DAP: variants seen among roughly 807,000 people sequenced by gnomAD.
DAP encodes the protein death associated protein.
A neutral mutation model predicts 13.8 loss-of-function variants in DAP; 8 were observed. The observed-to-expected ratio is 0.58, with a 90% CI of 0.34 to 1.05. The LOEUF (loss-of-function observed/expected upper bound fraction) is 1.05. Ranked by LOEUF, DAP falls within the 50% of genes least tolerant of loss-of-function variation. DAP has a pLI of 0.03. For missense variants in DAP, 106 were observed against 133.2 expected, an observed-to-expected ratio of 0.80 and a Z score of 1.01; for synonymous variants, 47 against 47.5, an observed-to-expected ratio of 0.99 and a Z score of 0.04.
intron 2 of DAP, among the ~76,000 whole-genome samples, chr5:10,710,350 C>G (rs1290651794): frequency 1.3e-5 from 2 of 152,222 alleles, no homozygotes. Flanking sequence ...AGTTATCTGA[C>G]CCAAGCCACA....
chr5:10,730,935 A>G (rs1350316133), intron 2 of DAP, among the ~76,000 whole-genome samples: 10 of 34,562 alleles, frequency 2.9e-4, no homozygotes, highest in African/African-American at 5.4e-4. Context: ...TGAGAGCCCT[A>G]GTGAGGGGGA....
intron 2 of DAP, among the ~76,000 whole-genome samples, chr5:10,690,507 C>T (rs1410640972): frequency 2.6e-5 from 4 of 152,198 alleles, no homozygotes; most frequent in Admixed American, 6.5e-5. Context: ...TGGCCATCAC[C>T]GTGAGTTTAA....
chr5:10,713,626 A>G (rs1738906851), intron 2 of DAP, among the ~76,000 whole-genome samples: 1 of 152,190 alleles, frequency 6.6e-6, no homozygotes, highest in African/African-American at 2.4e-5. Context: ...CAAAGCTGGT[A>G]CTCAAACCCA....
At chr5:10,711,088 C>T (rs1018153992) in intron 2 of DAP, among the ~76,000 whole-genome samples, 1 of 152,200 alleles carries the variant, frequency 6.6e-6, no homozygotes, top group Non-Finnish European at 1.5e-5. Flanking sequence ...ACTCTTGAAA[C>T]ATCTGAAGTT....
At chr5:10,734,573 AG>A (rs1739556387) in intron 2 of DAP, among the ~76,000 whole-genome samples, 1 of 152,206 alleles carries the variant, frequency 6.6e-6, no homozygotes, top group Non-Finnish European at 1.5e-5. Flanking sequence ...AGGAGGAATC[AG>A]GCTAGATTCA....
At chr5:10,714,528 G>T (rs1035953099) in intron 2 of DAP, among the ~76,000 whole-genome samples, 1 of 151,992 alleles carries the variant, frequency 6.6e-6, no homozygotes, top group African/African-American at 2.4e-5. Context: ...AAGAAAACAG[G>T]TAATACAAAT....
chr5:10,716,006 G>A (rs991581523), intron 2 of DAP, among the ~76,000 whole-genome samples: 1 of 152,222 alleles, frequency 6.6e-6, no homozygotes, highest in African/African-American at 2.4e-5. Context: ...ACCCAGGGCT[G>A]CTTTCATTAA....
chr5:10,756,160 G>C (rs1740176896), intron 1 of DAP, among the ~76,000 whole-genome samples: 1 of 96,826 alleles, frequency 1.0e-5, no homozygotes, highest in Non-Finnish European at 2.2e-5. Context: ...ACAAAAAAAG[G>C]CTAGGGAAGA....
intron 2 of DAP, among the ~76,000 whole-genome samples, chr5:10,687,902 T>C (rs914553398): frequency 6.9e-6 from 1 of 144,290 alleles, no homozygotes; most frequent in African/African-American, 2.7e-5. Context: ...ACTTCATTGT[T>C]GTCTTTTTTT....
At chr5:10,738,899 C>G (rs374930737) in intron 2 of DAP, among the ~76,000 whole-genome samples, 1 of 151,940 alleles carries the variant, frequency 6.6e-6, no homozygotes, top group African/African-American at 2.4e-5. Flanking sequence ...TATATGTGAG[C>G]GTTAAGAAAT....
At chr5:10,752,280 T>C (rs771629226) in intron 1 of DAP, among the ~76,000 whole-genome samples, 26 of 152,186 alleles carry the variant, frequency 1.7e-4, no homozygotes, top group Non-Finnish European at 2.5e-4. Flanking sequence ...AATGTAGCAA[T>C]AAAAAGTGGC....
intron 2 of DAP, among the ~76,000 whole-genome samples, chr5:10,745,291 C>T (rs990439388): frequency 2.3e-4 from 35 of 152,270 alleles, no homozygotes; most frequent in African/African-American, 7.9e-4. Context: ...AATGCTGTGT[C>T]GAGTTGTTTA....
intron 1 of DAP, among the ~76,000 whole-genome samples, chr5:10,750,336 C>T (rs962323271): frequency 3.3e-5 from 5 of 151,960 alleles, no homozygotes; most frequent in Admixed American, 1.3e-4. Flanking sequence ...TTGGCCAGCC[C>T]GACTGGAGGG....
Position 10,756,077 on chromosome 5 carries a change from G to GGCCAAGGTTGCAGTGA in DAP, c.55+4921_55+4936dup, listed in dbSNP as rs1237288810. ...GCGAGAAGATCTCTTGAGCCCAGGAGGCCAAGGTTGCAGTGAGCCAAGATC... is the reference window on the plus strand; with the variant it reads ...GCGAGAAGATCTCTTGAGCCCAGGAGGCCAAGGTTGCAGTGAGCCAAGGTTGCAGTGAGCCAAGATC... On this transcript the variant is annotated intron_variant, in intron 1 of 3. Transcript: ENST00000230895. Among the ~76,000 whole-genome samples the GGCCAAGGTTGCAGTGA allele has an allele frequency of 4.4e-5, 4 of 91,402 alleles. 1 individual carries two copies. The highest frequency in any genetic ancestry group is 9.2e-5 in the Non-Finnish European group (4 of 43,580). 60.0% of individuals were successfully genotyped at this position (91,402 alleles called of 152,430 possible).
At chr5:10,724,829 C>T (rs1014412695) in intron 2 of DAP, among the ~76,000 whole-genome samples, 1 of 152,200 alleles carries the variant, frequency 6.6e-6, no homozygotes, top group Non-Finnish European at 1.5e-5. Flanking sequence ...CCCAGGGCCT[C>T]TCAACCCGGG....
At chr5:10,682,540 A>G (rs1268684422) in intron 3 of DAP, among the ~76,000 whole-genome samples, 1 of 151,740 alleles carries the variant, frequency 6.6e-6, no homozygotes, top group Non-Finnish European at 1.5e-5. Context: ...AGCGCCCACC[A>G]GCGTCCCTGC....
At chr5:10,717,931 T>C (rs1053556548) in intron 2 of DAP, among the ~76,000 whole-genome samples, 2 of 152,158 alleles carry the variant, frequency 1.3e-5, no homozygotes, top group Non-Finnish European at 2.9e-5. Flanking sequence ...CTAATTTGAA[T>C]TAGAAAAACA....
intron 2 of DAP, among the ~76,000 whole-genome samples, chr5:10,700,479 G>A (rs907672700): frequency 2.0e-5 from 3 of 152,234 alleles, no homozygotes; most frequent in Non-Finnish European, 4.4e-5. Flanking sequence ...GTAGGAAGGG[G>A]AGTCGTTAGG....
At chr5:10,688,981 C>T (rs1738228926) in intron 2 of DAP, among the ~76,000 whole-genome samples, 1 of 152,256 alleles carries the variant, frequency 6.6e-6, no homozygotes, top group South Asian at 2.1e-4. Flanking sequence ...GCACTGAGGA[C>T]GGGAGTCTGG....
Sources: gnomAD v4.1 joint callset for allele counts (sites outside exome capture counted in the v4.1 genomes callset) on GRCh38, gnomAD v4.1.1 for gene constraint, MANE v1.5 for transcripts, NCBI Gene and HGNC (gene_info 2026-07-23, HGNC 2026-07-21) for gene names.